ABCA1: variants seen among roughly 807,000 people sequenced by gnomAD.
The protein encoded by ABCA1 is ATP binding cassette subfamily A member 1, also known as phospholipid-transporting ATPase ABCA1.
A neutral mutation model predicts 262.5 loss-of-function variants in ABCA1; 133 were observed. That is an observed-to-expected ratio of 0.51 (90% CI 0.44 to 0.59). The LOEUF (loss-of-function observed/expected upper bound fraction) is 0.59, where lower values mean the gene tolerates loss of function less well. Ranked by LOEUF, ABCA1 falls within the 20% of genes least tolerant of loss-of-function variation. The pLI is 0.00. For synonymous variants in ABCA1, 1,022 were observed against 1,043.5 expected (o/e 0.98, Z 0.40); for missense variants, 2,452 against 2,777.5 (o/e 0.88, Z 2.63).
At position 104,819,923 on chromosome 9, in the gene ABCA1, G is replaced by T. The variant is rs1259056486; in HGVS notation, c.3103+4C>A. 3 of 1,612,204 alleles carry T rather than the reference G, an allele frequency of 1.9e-6. No individual in the cohort carries two copies. The highest frequency in any genetic ancestry group is 1.7e-6 in the Non-Finnish European group (2 of 1,179,902). ...GGGATAGGGAAGGTAGCTCTGGGCC[G>T]CACCTGACAGCTGGCTTGTTTTGCT... On this transcript the variant is annotated splice_donor_region_variant and intron_variant, in intron 21 of 49. Coordinates refer to ENST00000374736, the MANE Select transcript of ABCA1 (RefSeq NM_005502.4).
At chr9:104,797,456 G>A (rs530027738) in intron 37 of ABCA1, among the ~76,000 whole-genome samples, 1 of 152,316 alleles carries the variant, frequency 6.6e-6, no homozygotes, top group Non-Finnish European at 1.5e-5. Flanking sequence ...CTTCCAAAAT[G>A]CAAAATCTTT....
chr9:104,874,304 C>T (rs1010237706), intron 5 of ABCA1, among the ~76,000 whole-genome samples: 1 of 142,738 alleles, frequency 7.0e-6, no homozygotes, highest in Non-Finnish European at 1.6e-5. Flanking sequence ...GGGAGGCCAA[C>T]GCACCTGAAG....
intron 5 of ABCA1, among the ~76,000 whole-genome samples, chr9:104,866,556 T>C (rs1468676025): frequency 1.1e-4 from 16 of 151,952 alleles, no homozygotes; most frequent in Admixed American, 4.6e-4. Flanking sequence ...TCTTGGCTCA[T>C]TGCAACCTCC....
intron 1 of ABCA1, among the ~76,000 whole-genome samples, chr9:104,926,936 G>A (rs193141840): frequency 2.6e-5 from 4 of 152,294 alleles, no homozygotes; most frequent in Admixed American, 2.0e-4. Flanking sequence ...ACTCGGCCGC[G>A]CGCGGTGGCT....
At chr9:104,892,320 T>C (rs1035107373) in intron 2 of ABCA1, among the ~76,000 whole-genome samples, 3 of 151,810 alleles carry the variant, frequency 2.0e-5, no homozygotes, top group Non-Finnish European at 4.4e-5. Context: ...CTTTTTATTC[T>C]GTAGCTTATT....
At chr9:104,841,837 C>T (rs1046855552) in intron 8 of ABCA1, among the ~76,000 whole-genome samples, 1 of 152,200 alleles carries the variant, frequency 6.6e-6, no homozygotes, top group Non-Finnish European at 1.5e-5. Context: ...AAATGTATTC[C>T]GGCACTTTGT....
At chr9:104,816,722 A>G (rs775731556) in intron 24 of ABCA1, among the ~76,000 whole-genome samples, 22 of 152,144 alleles carry the variant, frequency 1.4e-4, no homozygotes, top group Non-Finnish European at 2.9e-4. Context: ...GGGATTCTTC[A>G]AAAGAAAACT....
At chr9:104,803,845 G>A (rs911049684) in intron 32 of ABCA1, among the ~76,000 whole-genome samples, 32 of 152,236 alleles carry the variant, frequency 2.1e-4, no homozygotes, top group African/African-American at 7.5e-4. Context: ...GACCTCAAGT[G>A]ATCCACCCGC....
At chr9:104,856,441 G>A (rs1564187817) in intron 7 of ABCA1, among the ~76,000 whole-genome samples, 1 of 152,092 alleles carries the variant, frequency 6.6e-6, no homozygotes, top group Non-Finnish European at 1.5e-5. Context: ...ATAAACCAAC[G>A]CATCCACAAG....
At chr9:104,794,313 C>A in intron 40 of ABCA1, 74 bp downstream of exon 40, 6 of 1,609,538 alleles carry the variant, frequency 3.7e-6, no homozygotes, top group Non-Finnish European at 5.1e-6. Context: ...CTTTCCAAAA[C>A]AAAGTTCAGG....
chr9:104,785,659 C>A lies in ABCA1; in HGVS notation c.6402-20G>T. The A allele has an allele frequency of 6.2e-7, 1 of 1,613,596 alleles. No homozygotes were observed. Among genetic ancestry groups the A allele is most frequent in the Admixed American group, 1.7e-5 (1 of 60,000 alleles). The stretch of plus-strand genomic sequence containing the variant: ...CCAAACCTGAAAGCAGGAAAAAATA[C>A]CCAAATGGAGGATCTCCAGAAAACT... On this transcript the variant is annotated intron_variant, in intron 48 of 49. Transcript: ENST00000374736.
chr9:104,906,852 A>G (rs1841183716), intron 1 of ABCA1, among the ~76,000 whole-genome samples: 1 of 151,636 alleles, frequency 6.6e-6, no homozygotes, highest in Non-Finnish European at 1.5e-5. Flanking sequence ...ACACATTTCC[A>G]GTTACTGGCT....
In ABCA1 at chr9:104,837,083, A is replaced by G. The variant is rs1833882697; in HGVS notation, c.1208T>C (p.Phe403Ser). 1 of 1,613,398 alleles carries G rather than the reference A, an allele frequency of 6.2e-7. No homozygotes were observed. The highest frequency in any genetic ancestry group is 8.5e-7 in the Non-Finnish European group (1 of 1,179,966). The change falls in exon 11 of 50, where the codon TTC becomes TCC. Residue 403 changes from phenylalanine (F) to serine (S), a missense_variant. Phe to Ser is a radical substitution (Grantham distance 155). Transcript: ENST00000374736. ...RQVMAEVNKT[F>S]QELAVFHDLE... ...ATCATGGAACACAGCCAGTTCCTGG[A>G]AGGTCTTGTTCACCTGGAGTCAGGT...
chr9:104,831,717 T>G lies in ABCA1; in HGVS notation c.1620A>C (p.Gly540=), dbSNP rs1160259840. ...GCAGCTCAATGCTGCCTGGAGTAAT[T>G]CCAGTGAACACAATACCAGCCCAGA... ...RKFWAGIVFT[G]ITPGSIELPH... is the part of the protein sequence containing the mutation. Residue 540 remains glycine (G), a synonymous_variant, in exon 13 of 50, where the codon GGA becomes GGC. Coordinates refer to ENST00000374736, the MANE Select transcript of ABCA1 (RefSeq NM_005502.4). 2 of 1,614,190 alleles carry G rather than the reference T, an allele frequency of 1.2e-6. No homozygotes were observed. Among genetic ancestry groups the G allele is most frequent in the Admixed American group, 3.3e-5 (2 of 60,016 alleles).
At chr9:104,875,488 C>T (rs1395105189) in intron 5 of ABCA1, among the ~76,000 whole-genome samples, 1 of 152,186 alleles carries the variant, frequency 6.6e-6, no homozygotes, top group African/African-American at 2.4e-5. Flanking sequence ...GTCGGGATGG[C>T]AGGCTGCTGC....
rs765098872 is a variant in ABCA1, at chr9:104,825,825, C to T, written c.2400G>A (p.Gln800=). Residue 800 remains glutamine, a synonymous_variant, in exon 17 of 50, where the codon CAG becomes CAA. Transcript: ENST00000374736. The stretch of plus-strand genomic sequence containing the variant: ...GGTTGTCCCACTGCACTCCAATGCC[C>T]TGCTCCTCAAAAAGGGCAAAGTACT... ...GCEYFALFEE[Q]GIGVQWDNLF... 1 of 1,614,196 alleles carries T rather than the reference C, an allele frequency of 6.2e-7. No individual in the cohort carries two copies. Among genetic ancestry groups the T allele is most frequent in the Non-Finnish European group, 8.5e-7 (1 of 1,180,040 alleles).
chr9:104,806,455 A>G, intron 30 of ABCA1, 25 bp from the exon 31 acceptor site: 2 of 1,613,356 alleles, frequency 1.2e-6, no homozygotes, highest in African/African-American at 1.3e-5. Flanking sequence ...CAGCAAGAGT[A>G]GGATTACCAG....
chr9:104,847,420 G>A (rs767661936), intron 7 of ABCA1, among the ~76,000 whole-genome samples: 2 of 152,154 alleles, frequency 1.3e-5, no homozygotes, highest in African/African-American at 2.4e-5. Flanking sequence ...AAAGCCCCTC[G>A]CACAGTGCCT....
In ABCA1 at chr9:104,829,930, G is replaced by A. The variant is rs1299627949; in HGVS notation, c.1893-792C>T. ...ATACAAGCAGAACCCAGCTCCTCCC[G>A]CATCCTGATCCCTACACACACACAC... On this transcript the variant is annotated intron_variant, in intron 14 of 49. Transcript: ENST00000374736. Among the ~76,000 whole-genome samples, 8 of 144,196 alleles carry A rather than the reference G, an allele frequency of 5.5e-5. No homozygotes were observed. In the South Asian group the frequency reaches 1.1e-3, roughly 20 times the overall value. The allele number at this position is 144,196 out of a possible 152,430, so 94.6% of individuals were successfully genotyped here.
Sources: allele counts gnomAD v4.1 joint callset (sites outside exome capture counted in the v4.1 genomes callset), GRCh38; gene constraint gnomAD v4.1.1; transcripts MANE v1.5; gene names NCBI Gene and HGNC (gene_info 2026-07-23, HGNC 2026-07-21).